Variants in BTNL9 observed in about 807,000 individuals in gnomAD.
BTNL9 encodes butyrophilin-like protein 9.
In BTNL9, 45 loss-of-function variants were observed where a neutral mutation model predicts 45.8. That is an observed-to-expected ratio of 0.98 (90% CI 0.77 to 1.26). The LOEUF (loss-of-function observed/expected upper bound fraction) is 1.26. BTNL9 is among the 50% of genes most tolerant of loss of function. The pLI, the probability that BTNL9 is intolerant of heterozygous loss-of-function variation, is 0.00. For missense variants in BTNL9, 784 were observed against 729.7 expected (o/e 1.07, Z -0.86); for synonymous variants, 346 against 330.8 (o/e 1.05, Z -0.50).
chr5:181,048,340 G>A (rs765212743), intron 3 of BTNL9, 69 bp downstream of exon 3: 12 of 1,368,882 alleles, frequency 8.8e-6, no homozygotes, highest in Admixed American at 2.1e-5. Flanking sequence ...TAGAGGTGGA[G>A]TCACAGAGAA....
chr5:181,040,897 G>A (rs1582106483), intron 1 of BTNL9, among the ~76,000 whole-genome samples: 1 of 152,222 alleles, frequency 6.6e-6, no homozygotes, highest in Non-Finnish European at 1.5e-5. Context: ...GGGGAGTGGA[G>A]GACAGGAGAC....
chr5:181,051,786 A>T (rs1050734719), intron 4 of BTNL9, among the ~76,000 whole-genome samples: 1 of 152,180 alleles, frequency 6.6e-6, no homozygotes, highest in Non-Finnish European at 1.5e-5. Flanking sequence ...GGAAAAACCC[A>T]ATATTTTCTT....
intron 3 of BTNL9, among the ~76,000 whole-genome samples, chr5:181,048,557 C>T (rs1267318463): frequency 1.3e-5 from 2 of 151,418 alleles, no homozygotes; most frequent in African/African-American, 4.9e-5. Context: ...GAGTTCGAGA[C>T]CAGCCCAGGC....
In BTNL9 at chr5:181,055,973, C is replaced by T. The variant is rs1761861699; in HGVS notation, c.929-16C>T. On this transcript the variant is annotated splice_polypyrimidine_tract_variant and intron_variant, in intron 8 of 10. Transcript: ENST00000327705. The surrounding 1 kb of genome is among the most constrained non-coding windows in gnomAD (Gnocchi z 4.4). ...TCCTGATGTGCTAATTTCCTGTTTT[C>T]CCTTGGTTGCTTCAGACTGGAGACG... 1 of 1,613,982 alleles carries T rather than the reference C, an allele frequency of 6.2e-7. No individual in the cohort carries two copies. Among genetic ancestry groups the T allele is most frequent in the Non-Finnish European group, 8.5e-7 (1 of 1,180,010 alleles).
rs376351605 is a variant in BTNL9, at chr5:181,045,636, G to C, written c.109+38G>C. ...CAGCCTAGCTGGCCAGGATGTGAAC[G>C]CCACCCCTCCTGCCAGGTGCTCCCC... On this transcript the variant is annotated intron_variant, in intron 2 of 10. Coordinates refer to ENST00000327705, the MANE Select transcript of BTNL9 (RefSeq NM_152547.5). 2.4e-5 allele frequency: 37 copies of C among 1,514,012 alleles called. 1 individual carries two copies. In the East Asian group the frequency reaches 5.9e-4, roughly 24 times the overall value. 93.8% of individuals were successfully genotyped at this position (1,514,012 alleles called of 1,614,324 possible). A position where few individuals can be genotyped will look rare whatever the true frequency, so the allele number is the denominator to read the frequency against.
At chr5:181,058,619 GT>G (rs1761999880) in intron 10 of BTNL9, among the ~76,000 whole-genome samples, 2 of 152,104 alleles carry the variant, frequency 1.3e-5, no homozygotes, top group Admixed American at 6.6e-5. Flanking sequence ...CACTAGGTTT[GT>G]TTCCATCTGG....
Position 181,053,328 on chromosome 5 carries a change from G to C in BTNL9, c.853+12G>C. 2 of 1,537,048 alleles carry C rather than the reference G, an allele frequency of 1.3e-6. No individual in the cohort carries two copies. Among genetic ancestry groups the C allele is most frequent in the Middle Eastern group, 3.7e-4 (2 of 5,384 alleles). On this transcript the variant is annotated intron_variant, in intron 5 of 10. Coordinates refer to ENST00000327705, the MANE Select transcript of BTNL9 (RefSeq NM_152547.5). This position sits in a 1 kb window ranked among gnomAD's most constrained non-coding sequence, Gnocchi z 6.5. ...GCGGAGAAGCCGAGGTACCGGCGCG[G>C]GCGGCGGGGCGGGGAGGGGCACCGG...
Position 181,053,923 on chromosome 5 carries a change from T to A in BTNL9, c.887-316T>A, listed in dbSNP as rs981967787. 6.6e-7 allele frequency: 1 copy of A among 1,511,498 alleles called. No homozygotes were observed. The allele number at this position is 1,511,498 out of a possible 1,614,324, so 93.6% of individuals were successfully genotyped here. A position where few individuals can be genotyped will look rare whatever the true frequency, so the allele number is the denominator to read the frequency against. ...TCAGGCACCGAGAAAACAGCCCAGT[T>A]ACGTGAGGCAGTGTCCGGGGCTTAA... On this transcript the variant is annotated intron_variant, in intron 6 of 10. Coordinates refer to ENST00000327705, the MANE Select transcript of BTNL9 (RefSeq NM_152547.5). This position sits in a 1 kb window ranked among gnomAD's most constrained non-coding sequence, Gnocchi z 6.5.
rs767139790 is a variant in BTNL9 at position 181,045,585 on chromosome 5, G to A, written c.96G>A (p.Gly32=). The change falls in exon 2 of 11, where the codon GGG becomes GGA. Residue 32 remains glycine (G), a synonymous_variant. Coordinates refer to ENST00000327705, the MANE Select transcript of BTNL9 (RefSeq NM_152547.5). ...TGCACCTCCTCCTCCTTCAGCCTGG[G>A]GAGCCGAGCTCAGGTATTGTGTCTG... The part of the protein sequence containing the change: ...FLMHLLLLQP[G]EPSSEVKVLG... 7 of 1,611,386 alleles carry A rather than the reference G, an allele frequency of 4.3e-6. No individual in the cohort carries two copies. In the Admixed American group the frequency reaches 8.3e-5, roughly 19 times the overall value.
intron 1 of BTNL9, among the ~76,000 whole-genome samples, chr5:181,044,074 C>T (rs1257031623): frequency 1.3e-5 from 2 of 152,238 alleles, no homozygotes; most frequent in Admixed American, 6.5e-5. Context: ...CTCTAGGAGA[C>T]AGGGCCATCA....
At chr5:181,057,218 C>T (rs1761930571) in intron 9 of BTNL9, 1 of 152,084 alleles carries the variant, frequency 6.6e-6, no homozygotes, top group Admixed American at 6.5e-5. Context: ...AGACCTTCCT[C>T]ACACTTAGGT....
At chr5:181,048,332 G>A in intron 3 of BTNL9, 61 bp downstream of exon 3, 1 of 1,420,344 alleles carries the variant, frequency 7.0e-7, no homozygotes, top group Non-Finnish European at 9.7e-7. Flanking sequence ...TTGCCAAGTA[G>A]AGGTGGAGTC....
At chr5:181,057,821 G>A (rs774547052) in intron 9 of BTNL9, among the ~76,000 whole-genome samples, 6 of 152,220 alleles carry the variant, frequency 3.9e-5, no homozygotes, top group Admixed American at 6.5e-5. Flanking sequence ...CTGGAGCTCT[G>A]AGAACGTCTT....
At chr5:181,058,218 C>A in intron 9 of BTNL9, 134 bp from the exon 10 acceptor site, 3 of 1,087,120 alleles carry the variant, frequency 2.8e-6, no homozygotes, top group East Asian at 2.4e-5. Context: ...AGTCTGGATT[C>A]AAACCAGTTG....
At position 181,058,383 on chromosome 5, in the gene BTNL9, C is replaced by T; in HGVS notation, c.982+5C>T. 2 of 1,614,114 alleles carry T rather than the reference C, an allele frequency of 1.2e-6. No individual in the cohort carries two copies. Among genetic ancestry groups the T allele is most frequent in the South Asian group, 1.1e-5 (1 of 91,084 alleles). On this transcript the variant is annotated splice_donor_5th_base_variant and intron_variant, in intron 10 of 10. Transcript: ENST00000327705. Reference sequence around the variant, plus strand: ...GAGCAGCCCAAAAATATGCAGGTAACTGAAGCCAGGAAACTGATTTGTGTT... The same window carrying T: ...GAGCAGCCCAAAAATATGCAGGTAATTGAAGCCAGGAAACTGATTTGTGTT...
In BTNL9 at chr5:181,055,220, CTTTGAGCTAAGATAGGATGAGGCA is replaced by C; in HGVS notation, c.908-211_908-188del. On this transcript the variant is annotated intron_variant, in intron 7 of 10. Transcript: ENST00000327705. This position sits in a 1 kb window ranked among gnomAD's most constrained non-coding sequence, Gnocchi z 4.4. ...TTCTAGGCTGTGTGCAGATTTCCAC[CTTTGAGCTAAGATAGGATGAGGCA>C]TAAGAGTCCTGCAGATGGGCCTCTT... is the stretch of plus-strand genomic sequence containing the variant. The C allele has an allele frequency of 7.0e-7, 1 of 1,427,314 alleles. No homozygotes were observed. The highest frequency in any genetic ancestry group is 9.1e-7 in the Non-Finnish European group (1 of 1,094,748). The allele number at this position is 1,427,314 out of a possible 1,614,324, so 88.4% of individuals were successfully genotyped here.
intron 1 of BTNL9, among the ~76,000 whole-genome samples, chr5:181,045,131 A>G (rs1582116402): frequency 6.6e-6 from 1 of 152,250 alleles, no homozygotes; most frequent in African/African-American, 2.4e-5. Context: ...AGCCCAGAAA[A>G]GGGGGGGCGC....
chr5:181,048,722 T>C (rs1761330302), intron 3 of BTNL9, among the ~76,000 whole-genome samples: 1 of 124,556 alleles, frequency 8.0e-6, no homozygotes, highest in African/African-American at 3.2e-5. Context: ...AATATATATA[T>C]ATATCTATAT....
At chr5:181,040,844 G>A (rs950367329) in intron 1 of BTNL9, among the ~76,000 whole-genome samples, 24 of 152,230 alleles carry the variant, frequency 1.6e-4, no homozygotes, top group African/African-American at 5.5e-4. Context: ...GAGGCCCGTG[G>A]GAGAGGGCCA....
Sources: gnomAD v4.1 joint callset for allele counts (sites outside exome capture counted in the v4.1 genomes callset) on GRCh38, gnomAD v4.1.1 for gene constraint, Gnocchi (gnomAD v3.1) non-coding constraint, MANE v1.5 for transcripts, NCBI Gene and HGNC (gene_info 2026-07-23, HGNC 2026-07-21) for gene names.